The following TTC28 variants were observed in gnomAD, a reference collection of about 807,000 sequenced individuals.
TTC28 encodes tetratricopeptide repeat domain 28.
A neutral mutation model predicts 198.0 loss-of-function variants in TTC28; 61 were observed. The observed-to-expected ratio is 0.31, with a 90% CI of 0.25 to 0.38. TTC28 has a LOEUF of 0.38. Ranked by LOEUF, TTC28 falls within the 10% of genes least tolerant of loss-of-function variation. TTC28 has a pLI of 1.00. For missense variants in TTC28, 2,678 were observed against 3,164.0 expected, an observed-to-expected ratio of 0.85 and a Z score of 3.69; for synonymous variants, 1,171 against 1,297.8, an observed-to-expected ratio of 0.90 and a Z score of 2.10.
chr22:28,362,035 A>G (rs1464861298), intron 2 of TTC28, among the ~76,000 whole-genome samples: 1 of 152,204 alleles, frequency 6.6e-6, no homozygotes, highest in African/African-American at 2.4e-5. Flanking sequence ...GGAGATGTAC[A>G]AGGAGACTGA....
At chr22:28,550,056 A>G (rs1467262839) in intron 2 of TTC28, among the ~76,000 whole-genome samples, 1 of 152,182 alleles carries the variant, frequency 6.6e-6, no homozygotes, top group Non-Finnish European at 1.5e-5. Context: ...CATTTTCTCT[A>G]TGACTGTTTA....
In TTC28 at chr22:28,107,879, A is replaced by G. The variant is rs1942362265; in HGVS notation, c.1966T>C (p.Tyr656His). ...CLGNYQEAVK[Y>H]YEQDLALAKD... ...GCCAGTGCCAGATCCTGTTCGTAGTACTTCACTGCCTCCTGATAGTTTCCA... is the reference window on the plus strand; with the variant it reads ...GCCAGTGCCAGATCCTGTTCGTAGTGCTTCACTGCCTCCTGATAGTTTCCA... Residue 656 changes from tyrosine to histidine, a missense_variant, in exon 7 of 23, where the codon TAC (tyrosine) becomes CAC (histidine). By Grantham distance (83) the Tyr-to-His change is moderately conservative. Coordinates refer to ENST00000397906, the MANE Select transcript of TTC28 (RefSeq NM_001145418.2). 6.4e-6 allele frequency: 10 copies of G among 1,551,764 alleles called. No individual in the cohort carries two copies. The highest frequency in any genetic ancestry group is 7.8e-6 in the Non-Finnish European group (9 of 1,147,006).
intron 5 of TTC28, among the ~76,000 whole-genome samples, chr22:28,290,015 C>A (rs1317893207): frequency 6.6e-6 from 1 of 151,868 alleles, no homozygotes; most frequent in Non-Finnish European, 1.5e-5. Flanking sequence ...CAGAGCGAGA[C>A]CCCATCTCAA....
intron 2 of TTC28, among the ~76,000 whole-genome samples, chr22:28,592,131 T>C (rs2050445493): frequency 6.6e-6 from 1 of 151,900 alleles, no homozygotes; most frequent in African/African-American, 2.4e-5. Flanking sequence ...TGAACTAGGT[T>C]ATGAAGAGAA....
chr22:28,099,134 G>C (rs1337164738), intron 9 of TTC28, 90 bp from the exon 10 acceptor site: 2 of 1,473,468 alleles, frequency 1.4e-6, no homozygotes, highest in Non-Finnish European at 1.8e-6. Context: ...TCATATCTTT[G>C]TGCACAACCT....
intron 2 of TTC28, among the ~76,000 whole-genome samples, chr22:28,527,408 T>C (rs907199269): frequency 1.3e-5 from 2 of 152,158 alleles, no homozygotes; most frequent in African/African-American, 4.8e-5. Flanking sequence ...CAGTCATGAG[T>C]TGAAGTTTGC....
intron 5 of TTC28, among the ~76,000 whole-genome samples, chr22:28,235,875 C>G (rs887652690): frequency 6.6e-6 from 1 of 152,174 alleles, no homozygotes; most frequent in Non-Finnish European, 1.5e-5. Context: ...TTCCTGGAAC[C>G]CTCTTCTTTG....
intron 6 of TTC28, among the ~76,000 whole-genome samples, chr22:28,158,731 C>T (rs1387910346): frequency 6.6e-6 from 1 of 152,082 alleles, no homozygotes; most frequent in Non-Finnish European, 1.5e-5. Flanking sequence ...GAAACTAGAC[C>T]CCTATCCCTT....
intron 2 of TTC28, among the ~76,000 whole-genome samples, chr22:28,518,804 G>T (rs2048842069): frequency 6.6e-6 from 1 of 152,146 alleles, no homozygotes; most frequent in East Asian, 1.9e-4. Flanking sequence ...TAGTAAAAAG[G>T]TCTTCATGAC....
chr22:28,371,181 A>G (rs1399076766), intron 2 of TTC28, among the ~76,000 whole-genome samples: 1 of 152,030 alleles, frequency 6.6e-6, no homozygotes, highest in Non-Finnish European at 1.5e-5. Context: ...AGGAGTTAGT[A>G]ATAGAACCAT....
intron 19 of TTC28, among the ~76,000 whole-genome samples, chr22:27,991,361 A>C (rs1233788151): frequency 6.6e-6 from 1 of 152,184 alleles, no homozygotes; most frequent in Non-Finnish European, 1.5e-5. Context: ...TGGGTTCAGG[A>C]TGCTTTAATA....
At chr22:28,559,947 GC>G (rs1260377257) in intron 2 of TTC28, among the ~76,000 whole-genome samples, 1 of 152,060 alleles carries the variant, frequency 6.6e-6, no homozygotes, top group East Asian at 1.9e-4. Context: ...TCTCCCATGG[GC>G]CCAAATACCT....
intron 2 of TTC28, among the ~76,000 whole-genome samples, chr22:28,479,187 A>G (rs1484801915): frequency 6.6e-6 from 1 of 152,250 alleles, no homozygotes; most frequent in African/African-American, 2.4e-5. Context: ...ATGTCTTCAC[A>G]GAACAACAAT....
chr22:28,499,254 CTGTGAAAAAA>C (rs2048501222), intron 2 of TTC28, among the ~76,000 whole-genome samples: 1 of 151,978 alleles, frequency 6.6e-6, no homozygotes, highest in East Asian at 1.9e-4. Context: ...GAAGATGTGA[CTGTGAAAAAA>C]TGTGAAAATA....
intron 2 of TTC28, among the ~76,000 whole-genome samples, chr22:28,391,420 G>A (rs961774337): frequency 3.9e-5 from 6 of 152,208 alleles, no homozygotes; most frequent in Non-Finnish European, 7.4e-5. Context: ...TCTCCTGGAT[G>A]ATATCCTGCA....
chr22:28,622,699 T>C (rs2051019088), intron 2 of TTC28, among the ~76,000 whole-genome samples: 1 of 152,174 alleles, frequency 6.6e-6, no homozygotes, highest in African/African-American at 2.4e-5. Context: ...CAACTATATG[T>C]TGTCCAAAAG....
At chr22:28,453,626 G>A (rs1181618821) in intron 2 of TTC28, among the ~76,000 whole-genome samples, 1 of 152,018 alleles carries the variant, frequency 6.6e-6, no homozygotes, top group Non-Finnish European at 1.5e-5. Context: ...CTCCTTTCCT[G>A]GCCTCAACAT....
In TTC28 at chr22:28,099,002, C is replaced by T; in HGVS notation, c.3460G>A (p.Ala1154Thr). Residue 1154 changes from alanine to threonine, a missense_variant, in exon 10 of 23, where the codon GCA becomes ACA. Ala to Thr is a moderately conservative substitution (Grantham distance 58, BLOSUM62 0). Transcript: ENST00000397906. ...SALFETIRHEAQLSTDYKLSL... is the reference protein window; with the variant it reads ...SALFETIRHETQLSTDYKLSL... ...AGTTTGTAGTCCGTGCTCAGCTGTG[C>T]CTCATGTCGGATTGTTTCAAACAAG... 1.3e-6 allele frequency: 2 copies of T among 1,551,938 alleles called. No homozygotes were observed. The highest frequency in any genetic ancestry group is 1.7e-6 in the Non-Finnish European group (2 of 1,147,054).
chr22:28,507,458 G>A (rs930489733), intron 2 of TTC28, among the ~76,000 whole-genome samples: 1 of 152,190 alleles, frequency 6.6e-6, no homozygotes. Context: ...GAGACAGGGA[G>A]AATGGAACCA....
Sources: gnomAD v4.1 joint callset for allele counts (sites outside exome capture counted in the v4.1 genomes callset) on GRCh38, gnomAD v4.1.1 for gene constraint, MANE v1.5 for transcripts, NCBI Gene and HGNC (gene_info 2026-07-23, HGNC 2026-07-21) for gene names.